ACTL6B: variants seen among roughly 807,000 people sequenced by gnomAD.
ACTL6B encodes the protein actin-like protein 6B.
In ACTL6B, 48 loss-of-function variants were observed where a neutral mutation model predicts 63.3. The observed-to-expected ratio is 0.76, with a 90% CI of 0.60 to 0.96. The LOEUF is 0.96. Ranked by LOEUF, ACTL6B falls within the 50% of genes least tolerant of loss-of-function variation. ACTL6B has a pLI of 0.00. For synonymous variants in ACTL6B, 230 were observed against 223.8 expected, an observed-to-expected ratio of 1.03 and a Z score of -0.25; for missense variants, 350 against 572.2, an observed-to-expected ratio of 0.61 and a Z score of 3.96.
intron 13 of ACTL6B, among the ~76,000 whole-genome samples, chr7:100,645,500 T>C (rs1803803852): frequency 1.3e-5 from 2 of 152,058 alleles, no homozygotes; most frequent in South Asian, 4.1e-4. Flanking sequence ...TGGCAGTCTT[T>C]CCAATCATGC....
intron 1 of ACTL6B, 72 bp downstream of exon 1, chr7:100,656,257 GC>G: frequency 1.5e-6 from 2 of 1,358,982 alleles, no homozygotes. Flanking sequence ...GCCCCGGGGT[GC>G]CCAGAGCTCG....
At chr7:100,650,978 C>T (rs1402130881) in intron 4 of ACTL6B, among the ~76,000 whole-genome samples, 1 of 151,962 alleles carries the variant, frequency 6.6e-6, no homozygotes, top group Non-Finnish European at 1.5e-5. Context: ...ATACTAAGTG[C>T]CTAGAGCCAT....
chr7:100,652,999 C>CAAAAAAAAAAAAAAAAAAAAA (rs58707737), intron 4 of ACTL6B, among the ~76,000 whole-genome samples: 1 of 25,930 alleles, frequency 3.9e-5, no homozygotes, highest in Non-Finnish European at 6.2e-5. Flanking sequence ...AACTCCGTCT[C>CAAAAAAAAAAAAAAAAAAAAA]AAAAAAAAAA....
At position 100,648,709 on chromosome 7, in the gene ACTL6B, A is replaced by G. The variant is rs752633813; in HGVS notation, c.562+20T>C. ...GACCTGGTCCTCCTGGAGCACCCCC[A>G]CCCCCTGCCGAAGCCCCACCTTGCT... On this transcript the variant is annotated intron_variant, in intron 6 of 13. Coordinates refer to ENST00000160382, the MANE Select transcript of ACTL6B (RefSeq NM_016188.5). This position sits in a 1 kb window ranked among gnomAD's most constrained non-coding sequence, Gnocchi z 4.4. 3.1e-6 allele frequency: 5 copies of G among 1,612,496 alleles called. No individual in the cohort carries two copies. The highest frequency in any genetic ancestry group is 1.1e-5 in the South Asian group (1 of 90,978).
chr7:100,650,990 A>T (rs1411587230), intron 4 of ACTL6B, among the ~76,000 whole-genome samples: 1 of 152,204 alleles, frequency 6.6e-6, no homozygotes, highest in Non-Finnish European at 1.5e-5. Context: ...TAGAGCCATG[A>T]ATGAAAATAC....
In ACTL6B at chr7:100,656,366, C is replaced by A. The variant is rs922775427; in HGVS notation, c.-12G>T. 31 of 1,341,172 alleles carry A rather than the reference C, an allele frequency of 2.3e-5. No individual in the cohort carries two copies. In the Admixed American group the frequency reaches 5.3e-4, roughly 23 times the overall value. The allele number at this position is 1,341,172 out of a possible 1,614,324, so 83.1% of individuals were successfully genotyped here. Reference sequence around the variant, plus strand: ...ACGCCCCCGCTCATAGTGCCCGCTGCGCTGCTAGCGGCCCGTGGGCGGTGG... The same window carrying A: ...ACGCCCCCGCTCATAGTGCCCGCTGAGCTGCTAGCGGCCCGTGGGCGGTGG... On this transcript the variant is annotated 5_prime_UTR_variant, in exon 1 of 14. Transcript: ENST00000160382.
rs2131339138 is a variant in ACTL6B at position 100,655,106 on chromosome 7, C to T, written c.282G>A (p.Glu94=). The part of the protein sequence containing the change: ...PLKNGMIEDW[E]CFRAILDHTY... Reference sequence around the variant, plus strand: ...TGTGATCCAGGATGGCTCGGAAGCACTCCCAGTCCTCGACTGGGGCCAGAA... The same window carrying T: ...TGTGATCCAGGATGGCTCGGAAGCATTCCCAGTCCTCGACTGGGGCCAGAA... Residue 94 remains glutamate, a synonymous_variant, in exon 4 of 14, where the codon GAG becomes GAA. Transcript: ENST00000160382. This position sits in a 1 kb window ranked among gnomAD's most constrained non-coding sequence, Gnocchi z 4.4. 2 of 1,613,918 alleles carry T rather than the reference C, an allele frequency of 1.2e-6. No homozygotes were observed. Among genetic ancestry groups the T allele is most frequent in the East Asian group, 2.2e-5 (1 of 44,880 alleles).
chr7:100,655,928 C>CGCTAGGTA lies in ACTL6B; in HGVS notation c.26-57_26-50dup. ...AGGGGACCTCCCCCGAACTCTCTCC[C>CGCTAGGTA]GCTAGGTAGCTCCGAGAGAAAGTCA... On this transcript the variant is annotated intron_variant, in intron 1 of 13. Coordinates refer to ENST00000160382, the MANE Select transcript of ACTL6B (RefSeq NM_016188.5). The surrounding 1 kb of genome is among the most constrained non-coding windows in gnomAD (Gnocchi z 4.4). 6.6e-7 allele frequency: 1 copy of CGCTAGGTA among 1,524,302 alleles called. No individual in the cohort carries two copies. Among genetic ancestry groups the CGCTAGGTA allele is most frequent in the South Asian group, 1.2e-5 (1 of 82,074 alleles). 94.4% of individuals were successfully genotyped at this position (1,524,302 alleles called of 1,614,324 possible).
rs1026624642 is a variant in ACTL6B at position 100,647,963 on chromosome 7, T to C, written c.670-430A>G. Among the ~76,000 whole-genome samples, 1 of 149,430 alleles carries C rather than the reference T, an allele frequency of 6.7e-6. No homozygotes were observed. The highest frequency in any genetic ancestry group is 1.5e-5 in the Non-Finnish European group (1 of 67,518). ...TCATGCTGTTGGTCACACAGCTCTT[T>C]TTTTTTTTTTTTTTCAGATGGAGTC... On this transcript the variant is annotated intron_variant, in intron 7 of 13. Coordinates refer to ENST00000160382, the MANE Select transcript of ACTL6B (RefSeq NM_016188.5). This position sits in a 1 kb window ranked among gnomAD's most constrained non-coding sequence, Gnocchi z 4.4.
Position 100,646,904 on chromosome 7 carries a change from TC to T in ACTL6B, c.936+66del. 7.2e-7 allele frequency: 1 copy of T among 1,379,946 alleles called. No homozygotes were observed. The allele number at this position is 1,379,946 out of a possible 1,614,324, so 85.5% of individuals were successfully genotyped here. A position where few individuals can be genotyped will look rare whatever the true frequency, so the allele number is the denominator to read the frequency against. On this transcript the variant is annotated intron_variant, in intron 10 of 13. Transcript: ENST00000160382. This position sits in a 1 kb window ranked among gnomAD's most constrained non-coding sequence, Gnocchi z 6.1. ...CAGACCCCTGCAATCCTTCCCAGCC[TC>T]CCCCACGCCCCAGGATCCAGGGACT...
At position 100,655,260 on chromosome 7, in the gene ACTL6B, T is replaced by A. The variant is rs1053956407; in HGVS notation, c.269-141A>T. 1 of 1,191,842 alleles carries A rather than the reference T, an allele frequency of 8.4e-7. No individual in the cohort carries two copies. Among genetic ancestry groups the A allele is most frequent in the African/African-American group, 1.5e-5 (1 of 66,178 alleles). 73.8% of individuals were successfully genotyped at this position (1,191,842 alleles called of 1,614,324 possible). ...GGGAACGCCCCCCTTCCCAGAAACC[T>A]GGTGGGCCCCTGGGAAGGGAACCCA... is the stretch of plus-strand genomic sequence containing the variant. On this transcript the variant is annotated intron_variant, in intron 3 of 13. Transcript: ENST00000160382. This position sits in a 1 kb window ranked among gnomAD's most constrained non-coding sequence, Gnocchi z 4.4.
At chr7:100,654,946 G>T in intron 4 of ACTL6B, 73 bp downstream of exon 4, 1 of 1,280,884 alleles carries the variant, frequency 7.8e-7, no homozygotes, top group South Asian at 1.3e-5. Flanking sequence ...GAGGGGAGAG[G>T]AGGAGAGGTG....
Position 100,643,162 on chromosome 7 carries a change from G to T in ACTL6B, c.*84C>A. The stretch of plus-strand genomic sequence containing the variant: ...ACATCACCATTAATGAGGACAAGAG[G>T]GAAAGGAGGAGGGGGGCAATGTGGC... On this transcript the variant is annotated 3_prime_UTR_variant, in exon 14 of 14. Coordinates refer to ENST00000160382, the MANE Select transcript of ACTL6B (RefSeq NM_016188.5). 1 of 1,298,160 alleles carries T rather than the reference G, an allele frequency of 7.7e-7. No homozygotes were observed. 80.4% of individuals were successfully genotyped at this position (1,298,160 alleles called of 1,614,324 possible).
intron 4 of ACTL6B, among the ~76,000 whole-genome samples, chr7:100,654,790 G>T (rs1562850948): frequency 6.6e-6 from 1 of 151,840 alleles, no homozygotes; most frequent in African/African-American, 2.4e-5. Flanking sequence ...AATTTAAAAA[G>T]GACTTGGAGA....
rs368236981 is a variant in ACTL6B, at chr7:100,655,374, G to A, written c.268+47C>T. 6.0e-5 allele frequency: 96 copies of A among 1,588,860 alleles called. 1 individual carries two copies. The African/African-American group carries it at 7.7e-4, about 13-fold the overall frequency. On this transcript the variant is annotated intron_variant, in intron 3 of 13. Transcript: ENST00000160382. The surrounding 1 kb of genome is among the most constrained non-coding windows in gnomAD (Gnocchi z 4.4). The stretch of plus-strand genomic sequence containing the variant: ...GGGCTGCTATGACCCAGATTGTGGG[G>A]AGCGGGCTCCTTTTCTGTCAGGAGG...
At chr7:100,649,731 C>CT (rs1181657267) in intron 5 of ACTL6B, among the ~76,000 whole-genome samples, 1 of 152,220 alleles carries the variant, frequency 6.6e-6, no homozygotes, top group East Asian at 1.9e-4. Context: ...TGGGAAGGGA[C>CT]TGCCGCAGTG....
chr7:100,646,681 AG>A lies in ACTL6B; in HGVS notation c.1018-36del. 1 of 1,613,206 alleles carries A rather than the reference AG, an allele frequency of 6.2e-7. No homozygotes were observed. The highest frequency in any genetic ancestry group is 1.1e-5 in the South Asian group (1 of 91,076). Reference sequence around the variant, plus strand: ...GGGAGAAGGAGTGAGCTGCGGGGGCAGCCCCCCAACCCCGTCTCCCCACTTC... The same window carrying A: ...GGGAGAAGGAGTGAGCTGCGGGGGCACCCCCCAACCCCGTCTCCCCACTTC... On this transcript the variant is annotated intron_variant, in intron 11 of 13. Transcript: ENST00000160382. The surrounding 1 kb of genome is among the most constrained non-coding windows in gnomAD (Gnocchi z 6.1).
Position 100,648,827 on chromosome 7 carries a change from G to C in ACTL6B, c.468-4C>G. ...AGTGGACCGCCCGTTTGCAAAGCTG[G>C]CATCGGATGGGTAAGTCAAAGAGAC... On this transcript the variant is annotated splice_region_variant and splice_polypyrimidine_tract_variant and intron_variant, in intron 5 of 13. Coordinates refer to ENST00000160382, the MANE Select transcript of ACTL6B (RefSeq NM_016188.5). The surrounding 1 kb of genome is among the most constrained non-coding windows in gnomAD (Gnocchi z 4.4). 4 of 1,612,814 alleles carry C rather than the reference G, an allele frequency of 2.5e-6. No homozygotes were observed. Among genetic ancestry groups the C allele is most frequent in the Non-Finnish European group, 3.4e-6 (4 of 1,179,610 alleles).
rs765901727 is a variant in ACTL6B at position 100,648,498 on chromosome 7, G to C, written c.669+58C>G. The stretch of plus-strand genomic sequence containing the variant: ...ATATCTCATGTGTCAGAGGGTTGAC[G>C]GCCATGGGGCGAGTGGCCAGGACTC... On this transcript the variant is annotated intron_variant, in intron 7 of 13. Transcript: ENST00000160382. The surrounding 1 kb of genome is among the most constrained non-coding windows in gnomAD (Gnocchi z 4.4). 2 of 1,421,788 alleles carry C rather than the reference G, an allele frequency of 1.4e-6. No homozygotes were observed. Among genetic ancestry groups the C allele is most frequent in the African/African-American group, 2.9e-5 (2 of 69,658 alleles). The allele number at this position is 1,421,788 out of a possible 1,614,324, so 88.1% of individuals were successfully genotyped here. A position where few individuals can be genotyped will look rare whatever the true frequency, so the allele number is the denominator to read the frequency against.
Sources: allele counts gnomAD v4.1 joint callset (sites outside exome capture counted in the v4.1 genomes callset), GRCh38; gene constraint gnomAD v4.1.1; non-coding constraint Gnocchi (gnomAD v3.1); transcripts MANE v1.5; gene names NCBI Gene and HGNC (gene_info 2026-07-23, HGNC 2026-07-21).